SLC1A1: variants seen among roughly 807,000 people sequenced by gnomAD.
SLC1A1 encodes excitatory amino acid transporter 3.
A neutral mutation model predicts 53.3 loss-of-function variants in SLC1A1; 43 were observed. That is an observed-to-expected ratio of 0.81 (90% CI 0.63 to 1.04). The LOEUF is 1.04. Among genes scored for constraint, SLC1A1 ranks in the 50% least tolerant of loss-of-function variants. The pLI, the probability that SLC1A1 is intolerant of heterozygous loss-of-function variation, is 0.00. For missense variants in SLC1A1, 748 were observed against 664.9 expected, an observed-to-expected ratio of 1.12 and a Z score of -1.37; for synonymous variants, 307 against 243.2, an observed-to-expected ratio of 1.26 and a Z score of -2.44.
At chr9:4,533,122 A>G (rs1479719833) in intron 1 of SLC1A1, among the ~76,000 whole-genome samples, 1 of 152,192 alleles carries the variant, frequency 6.6e-6, no homozygotes, top group African/African-American at 2.4e-5. Context: ...CCAAATTGTA[A>G]AGACCAGAGA....
At chr9:4,560,523 A>G (rs556319258) in intron 2 of SLC1A1, among the ~76,000 whole-genome samples, 86 of 152,336 alleles carry the variant, frequency 5.6e-4, no homozygotes, top group African/African-American at 1.9e-3. Context: ...GGTTGATGAG[A>G]TGATGTGATT....
At chr9:4,543,844 T>C (rs1817225883) in intron 1 of SLC1A1, among the ~76,000 whole-genome samples, 1 of 152,002 alleles carries the variant, frequency 6.6e-6, no homozygotes, top group Non-Finnish European at 1.5e-5. Flanking sequence ...GTACTTATAA[T>C]AAAAATATGA....
At position 4,564,406 on chromosome 9, in the gene SLC1A1, A is replaced by C. The variant is rs1421663316; in HGVS notation, c.388A>C (p.Thr130Pro). Residue 130 changes from threonine (T) to proline (P), a missense_variant, in exon 4 of 12, where the codon ACA becomes CCA. Transcript: ENST00000262352. ...CCAGAAAGTGGGTGAAATTGCGAGGACAGGCAGCACCCCTGAAGTCAGTAC... is the reference window on the plus strand; with the variant it reads ...CCAGAAAGTGGGTGAAATTGCGAGGCCAGGCAGCACCCCTGAAGTCAGTAC... The part of the protein sequence containing the change: ...VTQKVGEIAR[T>P]GSTPEVSTVD... 5.0e-6 allele frequency: 8 copies of C among 1,613,910 alleles called. No homozygotes were observed. The highest frequency in any genetic ancestry group is 4.0e-5 in the African/African-American group (3 of 75,052).
intron 1 of SLC1A1, among the ~76,000 whole-genome samples, chr9:4,539,062 C>G (rs1229721639): frequency 6.7e-6 from 1 of 149,460 alleles, no homozygotes; most frequent in East Asian, 1.9e-4. Context: ...TTAATCAAGC[C>G]AAAATTAATT....
At position 4,585,482 on chromosome 9, in the gene SLC1A1, A is replaced by T; in HGVS notation, c.1499A>T (p.Lys500Met). 1 of 1,614,232 alleles carries T rather than the reference A, an allele frequency of 6.2e-7. No individual in the cohort carries two copies. The highest frequency in any genetic ancestry group is 8.5e-7 in the Non-Finnish European group (1 of 1,180,008). Residue 500 changes from lysine to methionine, a missense_variant, in exon 12 of 12, where the codon AAG becomes ATG. Transcript: ENST00000262352. The stretch of plus-strand genomic sequence containing the variant: ...CTTGACAACGAAGACTCAGACACCA[A>T]GAAGTCTTATGTCAATGGAGGCTTT... Reference protein sequence around the residue: ...TILDNEDSDTKKSYVNGGFAV... With the variant: ...TILDNEDSDTMKSYVNGGFAV...
At chr9:4,516,315 GTTTAAT>G (rs2130822149) in intron 1 of SLC1A1, among the ~76,000 whole-genome samples, 1 of 152,294 alleles carries the variant, frequency 6.6e-6, no homozygotes, top group Non-Finnish European at 1.5e-5. Flanking sequence ...AGTGTGGTGA[GTTTAAT>G]TTGAGCAAGC....
In SLC1A1 at chr9:4,550,621, C is replaced by A. The variant is rs574458292; in HGVS notation, c.232+5914C>A. ...GCCAGGGCTGGTCTCAAACTCCTGGCCTCAAGTGAGCCTCCCACCTTGGCT... is the reference window on the plus strand; with the variant it reads ...GCCAGGGCTGGTCTCAAACTCCTGGACTCAAGTGAGCCTCCCACCTTGGCT... On this transcript the variant is annotated intron_variant, in intron 2 of 11. Coordinates refer to ENST00000262352, the MANE Select transcript of SLC1A1 (RefSeq NM_004170.6). 1.8e-4 allele frequency among the ~76,000 whole-genome samples: 27 copies of A among 152,242 alleles called. No individual in the cohort carries two copies. The South Asian group carries it at 5.2e-3, about 29-fold the overall frequency.
In SLC1A1 at chr9:4,493,001, C is replaced by G. The variant is rs137918031; in HGVS notation, c.91+2231C>G. On this transcript the variant is annotated intron_variant, in intron 1 of 11. Coordinates refer to ENST00000262352, the MANE Select transcript of SLC1A1 (RefSeq NM_004170.6). ...AGGTTTTAAGCAATTGTTCCCTGGC[C>G]TTTGGAATCAGTTGCGTGAATAAGA... is the stretch of plus-strand genomic sequence containing the variant. Among the ~76,000 whole-genome samples, 61 of 152,228 alleles carry G rather than the reference C, an allele frequency of 4.0e-4. 2 individuals carry two copies. Among genetic ancestry groups the G allele is most frequent in the African/African-American group, 1.3e-3 (54 of 41,538 alleles).
intron 10 of SLC1A1, 47 bp from the exon 11 acceptor site, chr9:4,582,991 G>A (rs762064087): frequency 5.6e-6 from 9 of 1,612,920 alleles, no homozygotes; most frequent in African/African-American, 2.7e-5. Flanking sequence ...GGGCTTTAAC[G>A]GGAGAGGTAA....
chr9:4,579,591 C>A (rs1374697584), intron 10 of SLC1A1, among the ~76,000 whole-genome samples: 3 of 152,182 alleles, frequency 2.0e-5, no homozygotes, highest in Non-Finnish European at 2.9e-5. Context: ...ATTCTTAAAT[C>A]AGATTTGCTG....
intron 2 of SLC1A1, among the ~76,000 whole-genome samples, chr9:4,550,918 G>A (rs999646256): frequency 3.3e-5 from 5 of 152,166 alleles, no homozygotes; most frequent in African/African-American, 1.2e-4. Flanking sequence ...CAGACCGTAT[G>A]TAAATGATTG....
chr9:4,564,432 G>A lies in SLC1A1; in HGVS notation c.414G>A (p.Thr138=), dbSNP rs2228622. The change falls in exon 4 of 12, where the codon ACG becomes ACA. Residue 138 remains threonine (T), a synonymous_variant. Transcript: ENST00000262352. ...CAGGCAGCACCCCTGAAGTCAGTAC[G>A]GTGGATGCCATGTTAGATCTCATCA... The part of the protein sequence containing the change: ...ARTGSTPEVS[T]VDAMLDLIRN... 0.4 allele frequency: 647,518 copies of A among 1,610,108 alleles called. 133,243 individuals are homozygous for A. The highest frequency in any genetic ancestry group is 0.52 in the Middle Eastern group (3,129 of 6,044).
intron 1 of SLC1A1, among the ~76,000 whole-genome samples, chr9:4,522,262 A>G (rs1386015521): frequency 6.6e-6 from 1 of 151,974 alleles, no homozygotes; most frequent in African/African-American, 2.4e-5. Flanking sequence ...TGAGTTAGCC[A>G]GGATGGTCTC....
intron 1 of SLC1A1, among the ~76,000 whole-genome samples, chr9:4,532,663 C>T (rs1455397982): frequency 6.6e-6 from 1 of 152,266 alleles, no homozygotes; most frequent in Non-Finnish European, 1.5e-5. Context: ...AGGAGAACTT[C>T]CCCAACCCAG....
intron 1 of SLC1A1, among the ~76,000 whole-genome samples, chr9:4,509,985 C>A (rs1820945236): frequency 6.6e-6 from 1 of 152,136 alleles, no homozygotes; most frequent in Non-Finnish European, 1.5e-5. Context: ...AGGCATGTGC[C>A]ACCATGCCTG....
At chr9:4,491,768 A>G (rs1820245040) in intron 1 of SLC1A1, among the ~76,000 whole-genome samples, 2 of 152,208 alleles carry the variant, frequency 1.3e-5, no homozygotes, top group African/African-American at 4.8e-5. Flanking sequence ...ATTCCTCGGC[A>G]GGCTCCACCT....
intron 2 of SLC1A1, among the ~76,000 whole-genome samples, chr9:4,557,717 C>T (rs921439897): frequency 1.3e-5 from 2 of 152,220 alleles, no homozygotes; most frequent in African/African-American, 4.8e-5. Context: ...GCCATATGCA[C>T]TTTGTGGCTA....
At chr9:4,533,667 T>C (rs1366861029) in intron 1 of SLC1A1, among the ~76,000 whole-genome samples, 1 of 151,820 alleles carries the variant, frequency 6.6e-6, no homozygotes, top group East Asian at 1.9e-4. Context: ...AGACAGAAAG[T>C]TAACAAGGAT....
chr9:4,537,514 G>A (rs1816719169), intron 1 of SLC1A1, among the ~76,000 whole-genome samples: 1 of 51,034 alleles, frequency 2.0e-5, no homozygotes, highest in South Asian at 3.6e-4. Context: ...AGCCGAGATT[G>A]CGCCACTGCA....
Sources: allele counts gnomAD v4.1 joint callset (sites outside exome capture counted in the v4.1 genomes callset), GRCh38; gene constraint gnomAD v4.1.1; transcripts MANE v1.5; gene names NCBI Gene and HGNC (gene_info 2026-07-23, HGNC 2026-07-21).